The following CDH6 variants were observed in gnomAD, a reference collection of about 807,000 sequenced individuals.
CDH6 encodes the protein cadherin-6.
Under a neutral mutation model 78.0 loss-of-function variants are expected in CDH6, and 31 were observed. That is an observed-to-expected ratio of 0.40 (90% CI 0.30 to 0.54). The LOEUF (loss-of-function observed/expected upper bound fraction) is 0.54, where lower values mean the gene tolerates loss of function less well. Among genes scored for constraint, CDH6 ranks in the 20% least tolerant of loss-of-function variants. The pLI, the probability that CDH6 is intolerant of heterozygous loss-of-function variation, is 0.56. For missense variants in CDH6, 724 were observed against 975.9 expected (o/e 0.74, Z 3.44); for synonymous variants, 376 against 368.8 (o/e 1.02, Z -0.23).
chr5:31,271,253 A>G (rs1431943365), intron 2 of CDH6, among the ~76,000 whole-genome samples: 1 of 150,392 alleles, frequency 6.6e-6, no homozygotes, highest in African/African-American at 2.5e-5. Context: ...GGAAAATGAG[A>G]GTAAGTGAGG....
chr5:31,252,959 T>C (rs746788325), intron 1 of CDH6, among the ~76,000 whole-genome samples: 1 of 152,230 alleles, frequency 6.6e-6, no homozygotes, highest in Non-Finnish European at 1.5e-5. Context: ...ATGTACTTTA[T>C]ATGTTAGTCT....
At chr5:31,302,790 GAGAGAGAGAGAAAGAAAGAAAGAAAGAA>G (rs1235490550) in intron 6 of CDH6, among the ~76,000 whole-genome samples, 1,822 of 95,274 alleles carry the variant, frequency 0.019, 17 homozygotes, top group African/African-American at 0.027. Flanking sequence ...GAGAGAGAGA[GAGAGAGAGAGAAAGAAAGAAAGAAAGAA>G]AGAAAGAAAG....
intron 1 of CDH6, among the ~76,000 whole-genome samples, chr5:31,195,098 A>T (rs1277947155): frequency 2.0e-5 from 3 of 151,848 alleles, no homozygotes; most frequent in Non-Finnish European, 4.4e-5. Context: ...AAAAAAAAAA[A>T]TTTAAATGAT....
chr5:31,302,964 AAAAG>A (rs369255069), intron 6 of CDH6, among the ~76,000 whole-genome samples: 9,023 of 111,618 alleles, frequency 0.081, 621 homozygotes, highest in Middle Eastern at 0.14. Flanking sequence ...AGAAGGAAAG[AAAAG>A]AAAGAAAGAA....
chr5:31,251,429 G>A (rs915084373), intron 1 of CDH6: 4 of 152,304 alleles, frequency 2.6e-5, no homozygotes, highest in African/African-American at 9.6e-5. Flanking sequence ...GAGGACACTA[G>A]GTCTAAGGGG....
At position 31,324,379 on chromosome 5, in the gene CDH6, C is replaced by A. The variant is rs544067626; in HGVS notation, c.*1071C>A. 4.7e-6 allele frequency: 1 copy of A among 214,924 alleles called. No individual in the cohort carries two copies. Among genetic ancestry groups the A allele is most frequent in the South Asian group, 1.9e-4 (1 of 5,342 alleles). The allele number at this position is 214,924 out of a possible 1,614,324, so 13.3% of individuals were successfully genotyped here. A position where few individuals can be genotyped will look rare whatever the true frequency, so the allele number is the denominator to read the frequency against. ...AGGAGTTCAGTGGAGAGGTTAGAGC[C>A]AGCCACACTTGAACCTAATACCCTG... On this transcript the variant is annotated 3_prime_UTR_variant, in exon 12 of 12. Transcript: ENST00000265071.
chr5:31,194,670 A>G (rs112435588), intron 1 of CDH6, among the ~76,000 whole-genome samples: 1 of 152,144 alleles, frequency 6.6e-6, no homozygotes, highest in East Asian at 1.9e-4. Flanking sequence ...GCCAGGCTCA[A>G]ATCTGGGGGA....
chr5:31,284,976 G>A (rs75994017), intron 2 of CDH6, among the ~76,000 whole-genome samples: 71 of 152,276 alleles, frequency 4.7e-4, no homozygotes, highest in Non-Finnish European at 8.4e-4. Flanking sequence ...TAAAGAGACC[G>A]TATTACTGAA....
intron 1 of CDH6, among the ~76,000 whole-genome samples, chr5:31,222,703 A>G (rs1741035516): frequency 6.6e-6 from 1 of 152,180 alleles, no homozygotes; most frequent in Admixed American, 6.6e-5. Context: ...ATCCAGAGAA[A>G]TTAAGAACTT....
intron 2 of CDH6, among the ~76,000 whole-genome samples, chr5:31,273,478 T>C (rs1240478341): frequency 1.3e-5 from 2 of 152,170 alleles, no homozygotes; most frequent in Non-Finnish European, 2.9e-5. Context: ...ATTGTTTCCA[T>C]ACAGATGAGT....
Position 31,239,459 on chromosome 5 carries a change from C to T in CDH6, c.-128-27887C>T, listed in dbSNP as rs145645071. Among the ~76,000 whole-genome samples the T allele has an allele frequency of 4.4e-4, 67 of 152,238 alleles. No homozygotes were observed. The East Asian group carries it at 0.012, about 27-fold the overall frequency. ...ACACTGTTATAGTGGAAGTTTACTT[C>T]TCCGCTTATGTTTAAAGGTTTTTAA... is the stretch of plus-strand genomic sequence containing the variant. On this transcript the variant is annotated intron_variant, in intron 1 of 11. Transcript: ENST00000265071.
At position 31,255,391 on chromosome 5, in the gene CDH6, T is replaced by C. The variant is rs183346964; in HGVS notation, c.-128-11955T>C. On this transcript the variant is annotated intron_variant, in intron 1 of 11. Transcript: ENST00000265071. ...CCTTCTTCTTTCACATATTTAAACA[T>C]GTATTAATTAACTTGTTCTGGCAAG... 1.4e-3 allele frequency among the ~76,000 whole-genome samples: 212 copies of C among 152,362 alleles called. 1 individual carries two copies. Among genetic ancestry groups the C allele is most frequent in the African/African-American group, 5.0e-3 (209 of 41,576 alleles).
chr5:31,210,578 T>C (rs1052149260), intron 1 of CDH6, among the ~76,000 whole-genome samples: 14 of 152,180 alleles, frequency 9.2e-5, no homozygotes, highest in African/African-American at 3.4e-4. Context: ...CAGTCATCAG[T>C]ATCTGTAGAG....
intron 3 of CDH6, among the ~76,000 whole-genome samples, chr5:31,295,508 G>C (rs1208559329): frequency 6.6e-6 from 1 of 152,168 alleles, no homozygotes. Context: ...TTTAGGGGTA[G>C]TTGACAGTAA....
intron 1 of CDH6, among the ~76,000 whole-genome samples, chr5:31,260,420 C>A (rs1408494670): frequency 6.6e-6 from 1 of 152,054 alleles, no homozygotes; most frequent in Non-Finnish European, 1.5e-5. Flanking sequence ...TGGACTTTGC[C>A]CCCACATGTG....
intron 1 of CDH6, among the ~76,000 whole-genome samples, chr5:31,244,465 G>T (rs1231937750): frequency 6.6e-6 from 1 of 152,134 alleles, no homozygotes; most frequent in Non-Finnish European, 1.5e-5. Context: ...GGACTCAATT[G>T]TATGACACAG....
In CDH6 at chr5:31,294,108, C is replaced by T. The variant is rs557814595; in HGVS notation, c.375C>T (p.Ile125=). 23 of 1,613,844 alleles carry T rather than the reference C, an allele frequency of 1.4e-5. No individual in the cohort carries two copies. In the South Asian group the frequency reaches 2.5e-4, roughly 18 times the overall value. ...RLDREEKPVY[I]LRAQAINRRT... ...ACAGGGAAGAAAAACCCGTTTACATCCTTCGAGCTCAAGCTATAAACAGAA... is the reference window on the plus strand; with the variant it reads ...ACAGGGAAGAAAAACCCGTTTACATTCTTCGAGCTCAAGCTATAAACAGAA... Residue 125 remains isoleucine (I), a synonymous_variant, in exon 3 of 12, where the codon ATC becomes ATT. Coordinates refer to ENST00000265071, the MANE Select transcript of CDH6 (RefSeq NM_004932.4). This position sits in a 1 kb window ranked among gnomAD's most constrained non-coding sequence, Gnocchi z 4.1.
chr5:31,249,481 GGA>G (rs560563714), intron 1 of CDH6: 1 of 152,228 alleles, frequency 6.6e-6, no homozygotes, highest in Non-Finnish European at 1.5e-5. Context: ...ACACCTACAA[GGA>G]GAGTTTCCCC....
intron 4 of CDH6, among the ~76,000 whole-genome samples, chr5:31,298,777 T>C (rs1386789469): frequency 1.3e-5 from 2 of 152,150 alleles, no homozygotes; most frequent in Non-Finnish European, 2.9e-5. Flanking sequence ...CTTAAAAATT[T>C]TGGTTGTCAT....
Sources: gnomAD v4.1 joint callset for allele counts (sites outside exome capture counted in the v4.1 genomes callset) on GRCh38, gnomAD v4.1.1 for gene constraint, Gnocchi (gnomAD v3.1) non-coding constraint, MANE v1.5 for transcripts, NCBI Gene and HGNC (gene_info 2026-07-23, HGNC 2026-07-21) for gene names.